The following XPR1 variants were observed in gnomAD, a reference collection of about 807,000 sequenced individuals.
The protein encoded by XPR1 is solute carrier family 53 member 1.
XPR1 carries 28 observed loss-of-function variants against 87.5 expected under a neutral mutation model. The ratio of observed to expected loss-of-function variants is 0.32; its 90% CI spans 0.24 to 0.44. XPR1 has a LOEUF of 0.44. Among genes scored for constraint, XPR1 ranks in the 20% least tolerant of loss-of-function variants. The pLI is 1.00. For synonymous variants in XPR1, 300 were observed against 306.1 expected (o/e 0.98, Z 0.21); for missense variants, 559 against 862.3 (o/e 0.65, Z 4.41).
intron 1 of XPR1, among the ~76,000 whole-genome samples, chr1:180,632,644 TG>T (rs1306217314): frequency 3.3e-5 from 5 of 152,238 alleles, no homozygotes; most frequent in Non-Finnish European, 7.3e-5. Flanking sequence ...CCACTCGCCC[TG>T]ACCTCTCGTC....
In XPR1 at chr1:180,836,625, A is replaced by T; in HGVS notation, c.1410A>T (p.Thr470=). ...AGTGCCTGCGCCGATATCGAGACAC[A>T]AAAAGGGCCTTTCCTCATTTAGTTA... The part of the protein sequence containing the change: ...FIQCLRRYRD[T]KRAFPHLVNA... Residue 470 remains threonine, a synonymous_variant, in exon 11 of 15, where the codon ACA becomes ACT. Coordinates refer to ENST00000367590, the MANE Select transcript of XPR1 (RefSeq NM_004736.4). 6.2e-7 allele frequency: 1 copy of T among 1,614,142 alleles called. No individual in the cohort carries two copies. Among genetic ancestry groups the T allele is most frequent in the Non-Finnish European group, 8.5e-7 (1 of 1,180,026 alleles).
chr1:180,844,108 G>A (rs1253254271), intron 11 of XPR1, among the ~76,000 whole-genome samples: 1 of 152,174 alleles, frequency 6.6e-6, no homozygotes, highest in Admixed American at 6.5e-5. Flanking sequence ...CTACTCGGGA[G>A]GCTGAGGCAG....
Position 180,659,362 on chromosome 1 carries a change from TCCTTCC to T in XPR1, c.70-22997_70-22992del, listed in dbSNP as rs1557943572. Among the ~76,000 whole-genome samples the T allele has an allele frequency of 5.3e-5, 6 of 113,146 alleles. No individual in the cohort carries two copies. The East Asian group carries it at 1.1e-3, about 20-fold the overall frequency. The allele number at this position is 113,146 out of a possible 152,430, so 74.2% of individuals were successfully genotyped here. The stretch of plus-strand genomic sequence containing the variant: ...TTCCGTCCTTCCTTCCGTCCTTCCG[TCCTTCC>T]GTCCGTCCTTCCGTCCTTCCTTCCT... On this transcript the variant is annotated intron_variant, in intron 1 of 14. Transcript: ENST00000367590.
In XPR1 at chr1:180,824,794, A is replaced by G; in HGVS notation, c.805A>G (p.Ile269Val). ...LETDRSIWPL[I>V]RIYRGGFLLI... The stretch of plus-strand genomic sequence containing the variant: ...AACAGATAGAAGTATATGGCCCTTG[A>G]TAAGAATCTATCGGGGTGGCTTTCT... The change falls in exon 8 of 15, where the codon ATA (isoleucine) becomes GTA (valine). Residue 269 changes from isoleucine (I) to valine (V), a missense_variant. Around this residue, in one of 7 missense-constraint regions of XPR1, gnomAD observed 39 missense variants for 38.5 expected, o/e 1.01. Transcript: ENST00000367590. 6.2e-7 allele frequency: 1 copy of G among 1,614,074 alleles called. No individual in the cohort carries two copies. The highest frequency in any genetic ancestry group is 8.5e-7 in the Non-Finnish European group (1 of 1,179,974).
intron 2 of XPR1, among the ~76,000 whole-genome samples, chr1:180,734,386 A>G (rs1449579319): frequency 1.3e-5 from 2 of 152,218 alleles, no homozygotes; most frequent in African/African-American, 4.8e-5. Context: ...GTGGGAAAAC[A>G]GGAATTAGTG....
chr1:180,883,303 T>C (rs1571258484), intron 14 of XPR1, among the ~76,000 whole-genome samples: 1 of 152,212 alleles, frequency 6.6e-6, no homozygotes, highest in African/African-American at 2.4e-5. Flanking sequence ...TCACTTGATA[T>C]GCATACTGTC....
chr1:180,747,202 C>T lies in XPR1; in HGVS notation c.122-40551C>T, dbSNP rs769498144. Among the ~76,000 whole-genome samples, 8 of 152,186 alleles carry T rather than the reference C, an allele frequency of 5.3e-5. No homozygotes were observed. In the South Asian group the frequency reaches 6.2e-4, roughly 12 times the overall value. On this transcript the variant is annotated intron_variant, in intron 2 of 14. Transcript: ENST00000367590. The stretch of plus-strand genomic sequence containing the variant: ...CATTGACTGAATCCTAAAACTTAGA[C>T]GTAAGTATACATTTTTTAAAAAGAA...
chr1:180,879,574 C>G (rs977014904), intron 13 of XPR1, among the ~76,000 whole-genome samples: 1 of 152,190 alleles, frequency 6.6e-6, no homozygotes, highest in Non-Finnish European at 1.5e-5. Flanking sequence ...TGACTTGCTT[C>G]TTTGTATCAG....
At chr1:180,724,239 G>C (rs1325580097) in intron 2 of XPR1, among the ~76,000 whole-genome samples, 1 of 152,140 alleles carries the variant, frequency 6.6e-6, no homozygotes, top group Non-Finnish European at 1.5e-5. Context: ...ATATCTAGAG[G>C]AGGTGACCTT....
chr1:180,659,641 C>T (rs1655696601), intron 1 of XPR1, among the ~76,000 whole-genome samples: 1 of 138,692 alleles, frequency 7.2e-6, no homozygotes, highest in South Asian at 2.6e-4. Context: ...GCTTCAGCCT[C>T]CCGAGTAGCT....
chr1:180,732,192 C>CAAA (rs5779071), intron 2 of XPR1, among the ~76,000 whole-genome samples: 8 of 107,770 alleles, frequency 7.4e-5, no homozygotes, highest in African/African-American at 2.2e-4. Flanking sequence ...GACTCCATCT[C>CAAA]AAAAAAAAAA....
At chr1:180,800,195 C>G (rs1326095090) in intron 3 of XPR1, among the ~76,000 whole-genome samples, 1 of 152,188 alleles carries the variant, frequency 6.6e-6, no homozygotes, top group Non-Finnish European at 1.5e-5. Context: ...TGTGGACCAG[C>G]TGGGTCTTTT....
At chr1:180,710,834 C>G (rs1657747451) in intron 2 of XPR1, among the ~76,000 whole-genome samples, 2 of 151,194 alleles carry the variant, frequency 1.3e-5, no homozygotes, top group South Asian at 2.1e-4. Context: ...GGGGGCTGCC[C>G]CCCACCTCCC....
intron 1 of XPR1, among the ~76,000 whole-genome samples, chr1:180,675,702 AC>A (rs1275519487): frequency 6.6e-6 from 1 of 152,164 alleles, no homozygotes; most frequent in African/African-American, 2.4e-5. Context: ...ATTTCCTTAA[AC>A]AGCATGAGTT....
At chr1:180,737,704 A>G (rs1320585861) in intron 2 of XPR1, among the ~76,000 whole-genome samples, 2 of 152,248 alleles carry the variant, frequency 1.3e-5, no homozygotes, top group Admixed American at 6.5e-5. Flanking sequence ...ATAGAATAAT[A>G]CAGTATGTAA....
At chr1:180,847,277 A>G (rs951818327) in intron 11 of XPR1, among the ~76,000 whole-genome samples, 1 of 152,212 alleles carries the variant, frequency 6.6e-6, no homozygotes, top group Non-Finnish European at 1.5e-5. Context: ...TTTGAAATTA[A>G]TTTTTAAATC....
chr1:180,779,992 T>C (rs1196153005), intron 2 of XPR1, among the ~76,000 whole-genome samples: 1 of 152,246 alleles, frequency 6.6e-6, no homozygotes, highest in African/African-American at 2.4e-5. Flanking sequence ...TGTTGTAGCA[T>C]GGAACAGTAC....
chr1:180,651,240 C>T lies in XPR1; in HGVS notation c.69+18970C>T, dbSNP rs756082862. Among the ~76,000 whole-genome samples, 10 of 151,952 alleles carry T rather than the reference C, an allele frequency of 6.6e-5. No individual in the cohort carries two copies. The East Asian group carries it at 1.4e-3, about 21-fold the overall frequency. ...ACGAGTAGCTGGGATTACGGGTGCC[C>T]GCTACCACACCCAGCTAATTTGTGT... On this transcript the variant is annotated intron_variant, in intron 1 of 14. Transcript: ENST00000367590.
intron 2 of XPR1, among the ~76,000 whole-genome samples, chr1:180,739,605 A>G (rs1428168060): frequency 6.6e-6 from 1 of 152,182 alleles, no homozygotes; most frequent in Non-Finnish European, 1.5e-5. Flanking sequence ...AAATTTTATC[A>G]GTGATTTGTA....
Sources: gnomAD v4.1 joint callset for allele counts (sites outside exome capture counted in the v4.1 genomes callset) on GRCh38, gnomAD v4.1.1 for gene constraint, gnomAD v4.1.1 regional missense constraint, MANE v1.5 for transcripts, NCBI Gene and HGNC (gene_info 2026-07-23, HGNC 2026-07-21) for gene names.